GALNT2: variants seen among roughly 807,000 people sequenced by gnomAD.
GALNT2 encodes UDP-GalNAc:polypeptide N-acetylgalactosaminyltransferase 2.
In GALNT2, 31 loss-of-function variants were observed where a neutral mutation model predicts 81.4. The observed-to-expected ratio is 0.38, with a 90% confidence interval of 0.29 to 0.51. The LOEUF (loss-of-function observed/expected upper bound fraction) is 0.51, where lower values mean the gene tolerates loss of function less well. GALNT2 is among the 20% of genes least tolerant of loss of function. The probability of loss-of-function intolerance (pLI) is 0.87; values close to 1 mark genes in which losing one functional copy is unlikely to be tolerated. For synonymous variants in GALNT2, 303 were observed against 287.4 expected (o/e 1.05, Z -0.55); for missense variants, 629 against 765.7 (o/e 0.82, Z 2.11).
At chr1:230,219,730 GTGCT>G (rs1348709304) in intron 3 of GALNT2, among the ~76,000 whole-genome samples, 4 of 152,188 alleles carry the variant, frequency 2.6e-5, no homozygotes, top group African/African-American at 9.7e-5. Context: ...TCTTTGCAAA[GTGCT>G]TGTGGCTGTC....
At chr1:230,094,016 G>A (rs79059281) in intron 1 of GALNT2, among the ~76,000 whole-genome samples, 2 of 141,306 alleles carry the variant, frequency 1.4e-5, no homozygotes, top group African/African-American at 5.4e-5. Flanking sequence ...GTGTGTGTGT[G>A]TTTGAGATAG....
intron 2 of GALNT2, among the ~76,000 whole-genome samples, chr1:230,180,448 T>C (rs1663125633): frequency 6.6e-6 from 1 of 152,112 alleles, no homozygotes; most frequent in Non-Finnish European, 1.5e-5. Context: ...ATTGGAGCTC[T>C]TTATTTGCTT....
rs582233 is a variant in GALNT2 at position 230,185,105 on chromosome 1, G to A, written c.220+6794G>A. ...GATTCTTTCTCATAATTTCCATTTCGCTGCTTACATTATCTGTCTGTTCTT... is the reference window on the plus strand; with the variant it reads ...GATTCTTTCTCATAATTTCCATTTCACTGCTTACATTATCTGTCTGTTCTT... On this transcript the variant is annotated intron_variant, in intron 2 of 15. Coordinates refer to ENST00000366672, the MANE Select transcript of GALNT2 (RefSeq NM_004481.5). Among the ~76,000 whole-genome samples the A allele has an allele frequency of 1.6e-4, 25 of 151,828 alleles. No homozygotes were observed. In the East Asian group the frequency reaches 4.3e-3, roughly 26 times the overall value.
chr1:230,271,909 G>A lies in GALNT2; in HGVS notation c.1441-2536G>A, dbSNP rs1483335910. Among the ~76,000 whole-genome samples the A allele has an allele frequency of 1.3e-5, 2 of 152,172 alleles. No homozygotes were observed. The highest frequency in any genetic ancestry group is 1.9e-4 in the East Asian group (1 of 5,180). ...GAGGATGGGGTGGCGGGGGACTGACGGTTTCAAGCTTCTCAGCATAACCTG... is the reference window on the plus strand; with the variant it reads ...GAGGATGGGGTGGCGGGGGACTGACAGTTTCAAGCTTCTCAGCATAACCTG... On this transcript the variant is annotated intron_variant, in intron 14 of 15. Transcript: ENST00000366672. This position sits in a 1 kb window ranked among gnomAD's most constrained non-coding sequence, Gnocchi z 4.2.
chr1:230,185,115 TTATC>T (rs1663281838), intron 2 of GALNT2, among the ~76,000 whole-genome samples: 1 of 152,168 alleles, frequency 6.6e-6, no homozygotes, highest in Non-Finnish European at 1.5e-5. Flanking sequence ...GCTGCTTACA[TTATC>T]TGTCTGTTCT....
rs1666285971 is a variant in GALNT2 at position 230,275,784 on chromosome 1, C to T, written c.1560+1220C>T. 6.6e-6 allele frequency among the ~76,000 whole-genome samples: 1 copy of T among 150,688 alleles called. No homozygotes were observed. Among genetic ancestry groups the T allele is most frequent in the Non-Finnish European group, 1.5e-5 (1 of 67,702 alleles). On this transcript the variant is annotated intron_variant, in intron 15 of 15. Transcript: ENST00000366672. This position sits in a 1 kb window ranked among gnomAD's most constrained non-coding sequence, Gnocchi z 5.5. The stretch of plus-strand genomic sequence containing the variant: ...TATATACATACACCACAGATATATA[C>T]ATATATATACATGCCACATATATAT...
In GALNT2 at chr1:230,148,355, G is replaced by A. The variant is rs138180432; in HGVS notation, c.127-29863G>A. On this transcript the variant is annotated intron_variant, in intron 1 of 15. Coordinates refer to ENST00000366672, the MANE Select transcript of GALNT2 (RefSeq NM_004481.5). ...GCGTTTTCAGGGCTGGAGTAGTTCA[G>A]CACAGTCCCTTCCTCACTGTGGACT... Among the ~76,000 whole-genome samples, 6 of 152,356 alleles carry A rather than the reference G, an allele frequency of 3.9e-5. No individual in the cohort carries two copies. In the East Asian group the frequency reaches 1.2e-3, roughly 29 times the overall value.
chr1:230,226,384 G>A (rs1319226522), intron 3 of GALNT2, among the ~76,000 whole-genome samples: 4 of 152,154 alleles, frequency 2.6e-5, no homozygotes, highest in South Asian at 4.1e-4. Flanking sequence ...CCCTGCCACC[G>A]AATATCTGTA....
At chr1:230,094,141 G>C (rs1660174419) in intron 1 of GALNT2, among the ~76,000 whole-genome samples, 1 of 150,950 alleles carries the variant, frequency 6.6e-6, no homozygotes. Flanking sequence ...AAGAATACAG[G>C]TGTGTGCCAC....
chr1:230,130,739 C>G (rs1661340912), intron 1 of GALNT2, among the ~76,000 whole-genome samples: 1 of 152,212 alleles, frequency 6.6e-6, no homozygotes, highest in Non-Finnish European at 1.5e-5. Context: ...GTTTGGAAGT[C>G]TCGGCGACAG....
intron 1 of GALNT2, among the ~76,000 whole-genome samples, chr1:230,160,346 G>A (rs928167726): frequency 2.6e-5 from 4 of 152,160 alleles, no homozygotes; most frequent in Admixed American, 6.5e-5. Context: ...GGCGTTGGAC[G>A]TGGCCAGGAT....
intron 1 of GALNT2, among the ~76,000 whole-genome samples, chr1:230,141,489 T>C (rs1325211886): frequency 6.6e-6 from 1 of 152,138 alleles, no homozygotes; most frequent in East Asian, 1.9e-4. Flanking sequence ...TTCTACTTTC[T>C]GTCTTCATGA....
intron 14 of GALNT2, 68 bp from the exon 15 acceptor site, chr1:230,274,377 C>A: frequency 6.4e-7 from 1 of 1,571,704 alleles, no homozygotes; most frequent in Non-Finnish European, 8.7e-7. Flanking sequence ...GAGCCCTCAT[C>A]GATGCCCCTT....
rs12078496 is a variant in GALNT2 at position 230,242,959 on chromosome 1, A to G, written c.608-347A>G. On this transcript the variant is annotated intron_variant, in intron 6 of 15. Coordinates refer to ENST00000366672, the MANE Select transcript of GALNT2 (RefSeq NM_004481.5). ...CTCTGGGTGACACCTTCCTTAGCCC[A>G]GTTAGTTAGAAAACTGCTGCTGTGT... Among the ~76,000 whole-genome samples, 226 of 152,306 alleles carry G rather than the reference A, an allele frequency of 1.5e-3. 1 individual carries two copies. Among genetic ancestry groups the G allele is most frequent in the African/African-American group, 5.0e-3 (208 of 41,566 alleles).
At chr1:230,109,140 C>T (rs1040876588) in intron 1 of GALNT2, among the ~76,000 whole-genome samples, 4 of 152,238 alleles carry the variant, frequency 2.6e-5, no homozygotes, top group African/African-American at 9.6e-5. Context: ...CAGTAGCCTC[C>T]CCTGGGCGTT....
At chr1:230,154,301 C>G (rs1449134771) in intron 1 of GALNT2, among the ~76,000 whole-genome samples, 1 of 152,226 alleles carries the variant, frequency 6.6e-6, no homozygotes, top group African/African-American at 2.4e-5. Flanking sequence ...AGAAAAGAAA[C>G]CCCGGCCCTT....
intron 3 of GALNT2, among the ~76,000 whole-genome samples, chr1:230,219,190 C>T (rs1411454352): frequency 1.3e-5 from 2 of 152,208 alleles, no homozygotes; most frequent in African/African-American, 4.8e-5. Flanking sequence ...ATTGAATTTC[C>T]TCTGGCATCT....
At chr1:230,128,230 T>C (rs1661253704) in intron 1 of GALNT2, among the ~76,000 whole-genome samples, 1 of 148,370 alleles carries the variant, frequency 6.7e-6, no homozygotes, top group Non-Finnish European at 1.5e-5. Flanking sequence ...CATGTGCAGG[T>C]ACTTCTAAAT....
chr1:230,162,193 A>G (rs10864727), intron 1 of GALNT2, among the ~76,000 whole-genome samples: 69,074 of 151,990 alleles, frequency 0.45, 18,857 homozygotes, highest in Non-Finnish European at 0.61. Flanking sequence ...CTGAAGACTA[A>G]CCAGCCTTCC....
Sources: allele counts gnomAD v4.1 joint callset (sites outside exome capture counted in the v4.1 genomes callset), GRCh38; gene constraint gnomAD v4.1.1; non-coding constraint Gnocchi (gnomAD v3.1); transcripts MANE v1.5; gene names NCBI Gene and HGNC (gene_info 2026-07-23, HGNC 2026-07-21).